Variants in HOOK3 observed in about 807,000 individuals in gnomAD.
HOOK3 encodes protein Hook homolog 3.
HOOK3 carries 24 observed loss-of-function variants against 116.3 expected under a neutral mutation model. That is an observed-to-expected ratio of 0.21 (90% CI 0.15 to 0.29). The LOEUF (loss-of-function observed/expected upper bound fraction) is 0.29, where lower values mean the gene tolerates loss of function less well. HOOK3 is among the 10% of genes least tolerant of loss of function. HOOK3 has a pLI of 1.00. For missense variants in HOOK3, 632 were observed against 830.2 expected, an observed-to-expected ratio of 0.76 and a Z score of 2.93; for synonymous variants, 275 against 283.0, an observed-to-expected ratio of 0.97 and a Z score of 0.28.
chr8:42,939,501 G>A (rs897058882), intron 4 of HOOK3, among the ~76,000 whole-genome samples: 9 of 146,174 alleles, frequency 6.2e-5, no homozygotes, highest in Admixed American at 6.1e-4. Context: ...CTCCCGGACG[G>A]GGCGGCTGGC....
At chr8:42,901,389 A>G (rs1285111988) in intron 1 of HOOK3, among the ~76,000 whole-genome samples, 1 of 152,240 alleles carries the variant, frequency 6.6e-6, no homozygotes, top group Non-Finnish European at 1.5e-5. Flanking sequence ...ACAGATTTTT[A>G]AAAATTAAGG....
chr8:42,991,289 A>C (rs1280773800), intron 15 of HOOK3, among the ~76,000 whole-genome samples: 1 of 151,932 alleles, frequency 6.6e-6, no homozygotes, highest in Non-Finnish European at 1.5e-5. Flanking sequence ...CTGTGGTTCC[A>C]TATAAATTTT....
intron 5 of HOOK3, among the ~76,000 whole-genome samples, chr8:42,949,683 G>T (rs2130394807): frequency 6.6e-6 from 1 of 152,306 alleles, no homozygotes; most frequent in East Asian, 1.9e-4. Context: ...ACTTTGGGAG[G>T]CCGAGGCAGG....
chr8:43,010,103 T>TAA (rs34194371), intron 18 of HOOK3, among the ~76,000 whole-genome samples: 6 of 131,678 alleles, frequency 4.6e-5, no homozygotes, highest in South Asian at 2.4e-4. Context: ...AATCTTTTTG[T>TAA]AAAAAAAAAA....
intron 18 of HOOK3, among the ~76,000 whole-genome samples, chr8:43,008,449 G>T (rs1809536299): frequency 6.6e-6 from 1 of 151,626 alleles, no homozygotes; most frequent in African/African-American, 2.4e-5. Context: ...CCCGCCAATA[G>T]CTGTGATACA....
chr8:42,976,801 G>A (rs180970993), intron 13 of HOOK3, among the ~76,000 whole-genome samples: 2 of 152,298 alleles, frequency 1.3e-5, no homozygotes, highest in South Asian at 2.1e-4. Context: ...GGAGGCTGAG[G>A]CATGAGAATG....
chr8:43,022,733 T>C lies in HOOK3; in HGVS notation c.*4235T>C, dbSNP rs927883069. On this transcript the variant is annotated 3_prime_UTR_variant, in exon 22 of 22. Coordinates refer to ENST00000307602, the MANE Select transcript of HOOK3 (RefSeq NM_032410.4). ...TGCAGAAAAAAGTCCCTAAAGACCC[T>C]GTGTTCCAAAATTTACCAAGATTGA... The C allele has an allele frequency of 5.6e-6, 1 of 180,144 alleles. No individual in the cohort carries two copies. The highest frequency in any genetic ancestry group is 1.2e-5 in the Non-Finnish European group (1 of 84,224). 11.2% of individuals were successfully genotyped at this position (180,144 alleles called of 1,614,324 possible).
chr8:43,002,039 A>C (rs1809391039), intron 16 of HOOK3, 68 bp from the exon 17 acceptor site: 1 of 1,080,494 alleles, frequency 9.3e-7, no homozygotes, highest in African/African-American at 1.6e-5. Flanking sequence ...TTGTACTTTT[A>C]ACTTAAAAGA....
intron 2 of HOOK3, among the ~76,000 whole-genome samples, chr8:42,914,149 C>T (rs958929146): frequency 1.3e-5 from 2 of 152,168 alleles, no homozygotes; most frequent in Non-Finnish European, 2.9e-5. Flanking sequence ...CTAGCCACAC[C>T]TTCATTTTTC....
At chr8:42,899,262 C>T (rs1183860580) in intron 1 of HOOK3, among the ~76,000 whole-genome samples, 1 of 152,096 alleles carries the variant, frequency 6.6e-6, no homozygotes, top group African/African-American at 2.4e-5. Context: ...GTCAAGAAAA[C>T]GAGTAATCCA....
At chr8:43,012,618 T>A (rs1164906299) in intron 19 of HOOK3, among the ~76,000 whole-genome samples, 1 of 152,158 alleles carries the variant, frequency 6.6e-6, no homozygotes, top group Non-Finnish European at 1.5e-5. Context: ...TAATTTTTTT[T>A]AGACAGATTC....
chr8:42,911,312 A>G (rs888480240), intron 2 of HOOK3, among the ~76,000 whole-genome samples: 1 of 152,148 alleles, frequency 6.6e-6, no homozygotes, highest in Non-Finnish European at 1.5e-5. Flanking sequence ...TTAGCCAGGC[A>G]TGGTGGCGCA....
chr8:43,013,057 C>A lies in HOOK3; in HGVS notation c.1846C>A (p.Arg616Ser). Residue 616 changes from arginine (R) to serine (S), a missense_variant, in exon 20 of 22, where the codon CGT becomes AGT. Coordinates refer to ENST00000307602, the MANE Select transcript of HOOK3 (RefSeq NM_032410.4). Reference sequence around the variant, plus strand: ...CTTTTATTATTTTTTGCAGGTCATCCGTACTTTAGATCCTAAACAGAATCA... The same window carrying A: ...CTTTTATTATTTTTTGCAGGTCATCAGTACTTTAGATCCTAAACAGAATCA... ...KYLEKAKSVI[R>S]TLDPKQNQGA... 1.9e-6 allele frequency: 3 copies of A among 1,598,938 alleles called. No individual in the cohort carries two copies. Among genetic ancestry groups the A allele is most frequent in the Non-Finnish European group, 2.6e-6 (3 of 1,173,794 alleles).
chr8:43,002,277 G>A, intron 17 of HOOK3, 136 bp downstream of exon 17: 1 of 571,984 alleles, frequency 1.7e-6, no homozygotes, highest in Non-Finnish European at 3.2e-6. Context: ...TATTATGAGA[G>A]TCTGAAGGGT....
At chr8:42,912,772 G>T (rs565443696) in intron 2 of HOOK3, among the ~76,000 whole-genome samples, 1 of 152,150 alleles carries the variant, frequency 6.6e-6, no homozygotes, top group Non-Finnish European at 1.5e-5. Flanking sequence ...CTGCTCAAAG[G>T]CCGTCGTTAA....
rs1226373833 is a variant in HOOK3 at position 43,029,519 on chromosome 8, A to G, written c.*11021A>G. 5.4e-6 allele frequency: 1 copy of G among 185,390 alleles called. No individual in the cohort carries two copies. Among genetic ancestry groups the G allele is most frequent in the Non-Finnish European group, 1.1e-5 (1 of 87,604 alleles). The allele number at this position is 185,390 out of a possible 1,614,324, so 11.5% of individuals were successfully genotyped here. A position where few individuals can be genotyped will look rare whatever the true frequency, so the allele number is the denominator to read the frequency against. On this transcript the variant is annotated 3_prime_UTR_variant, in exon 22 of 22. Coordinates refer to ENST00000307602, the MANE Select transcript of HOOK3 (RefSeq NM_032410.4). ...CACTAAAATATCATCGCTGTCATGAACTTTGCTGTTTACAGGTTCTGTGTA... is the reference window on the plus strand; with the variant it reads ...CACTAAAATATCATCGCTGTCATGAGCTTTGCTGTTTACAGGTTCTGTGTA...
intron 13 of HOOK3, among the ~76,000 whole-genome samples, chr8:42,980,445 G>A (rs537094689): frequency 6.6e-6 from 1 of 152,152 alleles, no homozygotes; most frequent in Non-Finnish European, 1.5e-5. Flanking sequence ...CATGTTGAAA[G>A]TTAATACCCA....
At chr8:42,984,489 T>C (rs1193517616) in intron 14 of HOOK3, among the ~76,000 whole-genome samples, 1 of 152,172 alleles carries the variant, frequency 6.6e-6, no homozygotes, top group East Asian at 1.9e-4. Context: ...ATTGAACCAA[T>C]AAGATTTGTT....
At chr8:42,956,455 C>T (rs919269074) in intron 6 of HOOK3, among the ~76,000 whole-genome samples, 18 of 151,624 alleles carry the variant, frequency 1.2e-4, no homozygotes, top group African/African-American at 2.7e-4. Flanking sequence ...ACTAGGCTTG[C>T]GGTGAAAATG....
Sources: gnomAD v4.1 joint callset for allele counts (sites outside exome capture counted in the v4.1 genomes callset) on GRCh38, gnomAD v4.1.1 for gene constraint, MANE v1.5 for transcripts, NCBI Gene and HGNC (gene_info 2026-07-23, HGNC 2026-07-21) for gene names.